PRR16: variants seen among roughly 807,000 people sequenced by gnomAD.
The protein encoded by PRR16 is proline rich 16.
A neutral mutation model predicts 18.2 loss-of-function variants in PRR16; 6 were observed. The observed-to-expected ratio is 0.33, with a 90% CI of 0.18 to 0.65. PRR16 has a LOEUF of 0.65. Ranked by LOEUF, PRR16 falls within the 30% of genes least tolerant of loss-of-function variation. The pLI, the probability that PRR16 is intolerant of heterozygous loss-of-function variation, is 0.74. For synonymous variants in PRR16, 151 were observed against 147.8 expected, an observed-to-expected ratio of 1.02 and a Z score of -0.16; for missense variants, 412 against 376.6, an observed-to-expected ratio of 1.09 and a Z score of -0.78.
intron 1 of PRR16, among the ~76,000 whole-genome samples, chr5:120,538,466 C>A (rs1751800228): frequency 1.3e-5 from 2 of 152,182 alleles, no homozygotes; most frequent in African/African-American, 4.8e-5. Flanking sequence ...TGTTAAAATA[C>A]ATGTAATTCA....
chr5:120,713,560 T>C, the PRR16 span, among the ~76,000 whole-genome samples: 1 of 152,168 alleles, frequency 6.6e-6, no homozygotes, highest in Non-Finnish European at 1.5e-5. Flanking sequence ...TTGTGAAGTT[T>C]TAATTTTAAA....
chr5:120,618,499 A>G, intron 1 of PRR16: 2 of 966,126 alleles, frequency 2.1e-6, no homozygotes, highest in Non-Finnish European at 2.5e-6. Flanking sequence ...TAATTGTTGT[A>G]AAACAAGAGG....
chr5:120,593,729 T>G (rs1189200488), intron 1 of PRR16, among the ~76,000 whole-genome samples: 1 of 152,040 alleles, frequency 6.6e-6, no homozygotes, highest in East Asian at 1.9e-4. Context: ...ATATCCTTGA[T>G]GAACATAGAT....
At chr5:120,604,946 T>C (rs900691870) in intron 1 of PRR16, among the ~76,000 whole-genome samples, 2 of 152,210 alleles carry the variant, frequency 1.3e-5, no homozygotes, top group Non-Finnish European at 2.9e-5. Context: ...CTGTCCCTTC[T>C]CTGTCGCTGC....
intron 1 of PRR16, among the ~76,000 whole-genome samples, chr5:120,667,265 A>T (rs1354041378): frequency 6.6e-6 from 1 of 151,558 alleles, no homozygotes; most frequent in Non-Finnish European, 1.5e-5. Flanking sequence ...GTATTCTCTG[A>T]TGGTAGTTTG....
At chr5:120,546,346 A>C (rs1338009920) in intron 1 of PRR16, among the ~76,000 whole-genome samples, 2 of 152,122 alleles carry the variant, frequency 1.3e-5, no homozygotes, top group Non-Finnish European at 2.9e-5. Flanking sequence ...TTTATAAATC[A>C]AAATCAGTTG....
At chr5:120,668,788 T>C (rs892956428) in intron 1 of PRR16, among the ~76,000 whole-genome samples, 7 of 152,178 alleles carry the variant, frequency 4.6e-5, no homozygotes, top group African/African-American at 1.7e-4. Context: ...TGGCCCCCAC[T>C]CTCTTCTGGC....
At chr5:120,638,877 T>A (rs1040077906) in intron 1 of PRR16, among the ~76,000 whole-genome samples, 1 of 152,112 alleles carries the variant, frequency 6.6e-6, no homozygotes, top group Admixed American at 6.6e-5. Context: ...CCCAATATAA[T>A]GAATCATCTA....
chr5:120,698,098 G>A, the PRR16 span, among the ~76,000 whole-genome samples: 3 of 152,132 alleles, frequency 2.0e-5, no homozygotes, highest in South Asian at 2.1e-4. Context: ...TTGGGGCGGC[G>A]AAAACTTTTT....
At chr5:120,754,884 G>T in the PRR16 span, among the ~76,000 whole-genome samples, 1 of 151,180 alleles carries the variant, frequency 6.6e-6, no homozygotes, top group Admixed American at 6.6e-5. Flanking sequence ...GAGGTATAAG[G>T]AGAGTGAAAA....
the PRR16 span, among the ~76,000 whole-genome samples, chr5:120,701,412 A>G: frequency 6.6e-6 from 1 of 152,234 alleles, no homozygotes; most frequent in Non-Finnish European, 1.5e-5. Context: ...TTGATAAAAA[A>G]GATCCTAAAC....
At chr5:120,498,595 C>T (rs970153666) in intron 1 of PRR16, among the ~76,000 whole-genome samples, 6 of 151,406 alleles carry the variant, frequency 4.0e-5, no homozygotes, top group East Asian at 1.9e-4. Context: ...TGCATTTATC[C>T]GTATTTTTGT....
chr5:120,606,712 G>A (rs1754165182), intron 1 of PRR16, among the ~76,000 whole-genome samples: 1 of 151,944 alleles, frequency 6.6e-6, no homozygotes, highest in African/African-American at 2.4e-5. Context: ...AGTCAAGCTT[G>A]GGCAACATAG....
intron 1 of PRR16, among the ~76,000 whole-genome samples, chr5:120,660,272 A>G (rs1756131738): frequency 6.6e-6 from 1 of 152,060 alleles, no homozygotes; most frequent in Admixed American, 6.6e-5. Flanking sequence ...TTGTCAACAC[A>G]TTTTAAATAA....
chr5:120,703,147 CG>C, the PRR16 span, among the ~76,000 whole-genome samples: 3 of 151,678 alleles, frequency 2.0e-5, no homozygotes, highest in African/African-American at 7.3e-5. Flanking sequence ...TGTTCTCTGG[CG>C]GGCAGGAGTG....
At chr5:120,630,049 T>C (rs1246785751) in intron 1 of PRR16, among the ~76,000 whole-genome samples, 4 of 152,134 alleles carry the variant, frequency 2.6e-5, no homozygotes, top group African/African-American at 7.2e-5. Context: ...GATTTTCTTC[T>C]ATCTGAGGAT....
At chr5:120,742,340 A>G in the PRR16 span, among the ~76,000 whole-genome samples, 7 of 150,228 alleles carry the variant, frequency 4.7e-5, no homozygotes, top group African/African-American at 2.4e-5. Flanking sequence ...AGGTATGCCA[A>G]TTTTCCTCAG....
Position 120,464,317 on chromosome 5 carries a change from C to A in PRR16, c.-170C>A. On this transcript the variant is annotated 5_prime_UTR_variant, in exon 1 of 2. The change creates a new upstream start codon in the 5' untranslated region. Transcript: ENST00000407149. ...GTCTCGGGAGTTGATGGCAGCACCACTGTGCGGCCGCCCGGCCGAGCGCGG... is the reference window on the plus strand; with the variant it reads ...GTCTCGGGAGTTGATGGCAGCACCAATGTGCGGCCGCCCGGCCGAGCGCGG... 1.6e-6 allele frequency: 1 copy of A among 621,404 alleles called. No individual in the cohort carries two copies. Among genetic ancestry groups the A allele is most frequent in the Non-Finnish European group, 2.4e-6 (1 of 409,774 alleles). The allele number at this position is 621,404 out of a possible 1,614,324, so 38.5% of individuals were successfully genotyped here.
chr5:120,695,000 A>T, the PRR16 span, among the ~76,000 whole-genome samples: 1 of 152,238 alleles, frequency 6.6e-6, no homozygotes, highest in Non-Finnish European at 1.5e-5. Context: ...TACATATTTC[A>T]GTGAAGTGCA....
Sources: gnomAD v4.1 joint callset for allele counts (sites outside exome capture counted in the v4.1 genomes callset) on GRCh38, gnomAD v4.1.1 for gene constraint, MANE v1.5 for transcripts, NCBI Gene and HGNC (gene_info 2026-07-23, HGNC 2026-07-21) for gene names.